Variants in DAB1 observed in about 807,000 individuals in gnomAD.
DAB1 encodes the protein DAB adaptor protein 1, also known as disabled homolog 1.
DAB1 carries 15 observed loss-of-function variants against 64.6 expected under a neutral mutation model. The ratio of observed to expected loss-of-function variants is 0.23; its 90% CI spans 0.16 to 0.36. The LOEUF is 0.36. DAB1 is among the 10% of genes least tolerant of loss of function. DAB1 has a pLI of 1.00. For synonymous variants in DAB1, 235 were observed against 251.9 expected, an observed-to-expected ratio of 0.93 and a Z score of 0.64; for missense variants, 596 against 706.7, an observed-to-expected ratio of 0.84 and a Z score of 1.78.
At chr1:58,011,371 T>C (rs990792839) in intron 5 of DAB1, among the ~76,000 whole-genome samples, 1 of 152,216 alleles carries the variant, frequency 6.6e-6, no homozygotes, top group African/African-American at 2.4e-5. Flanking sequence ...AAACTCTTCA[T>C]CTTAAATCAA....
At chr1:58,297,063 A>G (rs964491077) in intron 4 of DAB1, among the ~76,000 whole-genome samples, 36 of 152,316 alleles carry the variant, frequency 2.4e-4, no homozygotes, top group African/African-American at 8.4e-4. Context: ...ACATTTATGT[A>G]TGTCATCTCA....
chr1:57,204,440 T>G (rs1665372536), intron 2 of DAB1, among the ~76,000 whole-genome samples: 1 of 131,526 alleles, frequency 7.6e-6, no homozygotes, highest in South Asian at 2.4e-4. Context: ...ATAAAAACAC[T>G]GGTCTAGATT....
At chr1:57,792,329 G>A (rs1650640406) in intron 6 of DAB1, among the ~76,000 whole-genome samples, 1 of 151,916 alleles carries the variant, frequency 6.6e-6, no homozygotes, top group Admixed American at 6.6e-5. Flanking sequence ...TTATTTTTAT[G>A]CCCACCATAT....
chr1:57,266,194 T>C (rs1385494963), intron 2 of DAB1, among the ~76,000 whole-genome samples: 1 of 152,214 alleles, frequency 6.6e-6, no homozygotes, highest in Non-Finnish European at 1.5e-5. Context: ...AGTTTCCTGC[T>C]CACCAAGTAT....
rs1477319468 is a variant in DAB1, at chr1:57,452,157, G to GCCC, written n.626-160992_626-160991insGGG. ...AGAGCTTAGGATTTAGTCTCTCTCT[G>GCCC]CACCCCCCCTTTTTTTTTTTTTTTT... On this transcript the variant is annotated intron_variant and non_coding_transcript_variant, in intron 7 of 20. Coordinates refer to the DAB1 transcript ENST00000485760. Among the ~76,000 whole-genome samples, 240 of 110,206 alleles carry GCCC rather than the reference G, an allele frequency of 2.2e-3. 6 individuals carry two copies. Among genetic ancestry groups the GCCC allele is most frequent in the African/African-American group, 7.6e-3 (195 of 25,584 alleles). 72.3% of individuals were successfully genotyped at this position (110,206 alleles called of 152,430 possible).
At chr1:57,362,874 G>T (rs1679669774) in intron 1 of DAB1, among the ~76,000 whole-genome samples, 1 of 152,054 alleles carries the variant, frequency 6.6e-6, no homozygotes, top group African/African-American at 2.4e-5. Context: ...ATTCTTTACC[G>T]TTAGCACTTC....
upstream of DAB1, among the ~76,000 whole-genome samples, chr1:57,425,982 G>A (rs1345441372): frequency 6.6e-6 from 1 of 152,300 alleles, no homozygotes; most frequent in South Asian, 2.1e-4. Flanking sequence ...TGAGGAAAGA[G>A]GGACAAATCT....
At chr1:57,651,442 T>G (rs565637301) in intron 6 of DAB1, among the ~76,000 whole-genome samples, 4 of 152,316 alleles carry the variant, frequency 2.6e-5, no homozygotes, top group South Asian at 4.1e-4. Flanking sequence ...TTGTAGTGCT[T>G]TTTAGAAATT....
chr1:58,100,972 T>C (rs1360340233), intron 5 of DAB1, among the ~76,000 whole-genome samples: 3 of 152,172 alleles, frequency 2.0e-5, no homozygotes, highest in Non-Finnish European at 4.4e-5. Flanking sequence ...GAAGGGATAC[T>C]TTCCTGTTTG....
chr1:58,397,400 T>C (rs529948943), intron 3 of DAB1, among the ~76,000 whole-genome samples: 1 of 152,246 alleles, frequency 6.6e-6, no homozygotes, highest in South Asian at 2.1e-4. Flanking sequence ...AGAACAGGCT[T>C]TGGACGCAGG....
chr1:57,862,396 C>T (rs1012397190), intron 1 of DAB1: 1 of 152,140 alleles, frequency 6.6e-6, no homozygotes, highest in African/African-American at 2.4e-5. Flanking sequence ...CTTTTCTCAT[C>T]ATTGAACTGA....
At chr1:57,828,555 C>G (rs1557503875) in intron 1 of DAB1, among the ~76,000 whole-genome samples, 1 of 151,956 alleles carries the variant, frequency 6.6e-6, no homozygotes, top group Non-Finnish European at 1.5e-5. Context: ...ATATTGGAAT[C>G]AAGTCAAGGA....
At chr1:58,216,790 C>T (rs1272476010) in intron 4 of DAB1, among the ~76,000 whole-genome samples, 2 of 152,122 alleles carry the variant, frequency 1.3e-5, no homozygotes, top group Admixed American at 6.5e-5. Flanking sequence ...GATTGTAACT[C>T]TTACAGAACA....
chr1:57,869,479 T>C (rs1654443949), intron 1 of DAB1, among the ~76,000 whole-genome samples: 1 of 152,090 alleles, frequency 6.6e-6, no homozygotes, highest in Non-Finnish European at 1.5e-5. Context: ...AGTAGAGTCA[T>C]GGGCTCTTTC....
chr1:57,170,980 C>T (rs892220778), intron 2 of DAB1, among the ~76,000 whole-genome samples: 1 of 152,116 alleles, frequency 6.6e-6, no homozygotes, highest in Non-Finnish European at 1.5e-5. Context: ...GAGTGGAGAT[C>T]CCAGGTCCTT....
At chr1:57,379,793 G>T (rs961992236) in intron 1 of DAB1, among the ~76,000 whole-genome samples, 2 of 152,162 alleles carry the variant, frequency 1.3e-5, no homozygotes, top group Non-Finnish European at 2.9e-5. Flanking sequence ...TCAGCATTTT[G>T]CAAAGATGTA....
chr1:58,318,415 G>A (rs1197570269), intron 4 of DAB1, among the ~76,000 whole-genome samples: 1 of 152,238 alleles, frequency 6.6e-6, no homozygotes, highest in African/African-American at 2.4e-5. Flanking sequence ...CTGGTTTACA[G>A]AGCTGCCCAG....
intron 12 of DAB1, among the ~76,000 whole-genome samples, chr1:57,012,649 A>G (rs1646300036): frequency 6.6e-6 from 1 of 152,254 alleles, no homozygotes; most frequent in Non-Finnish European, 1.5e-5. Context: ...GTTTTTGGAA[A>G]AAAATTTGCA....
At chr1:58,250,527 T>C (rs1392778589) in intron 4 of DAB1, among the ~76,000 whole-genome samples, 2 of 152,188 alleles carry the variant, frequency 1.3e-5, no homozygotes, top group Non-Finnish European at 2.9e-5. Flanking sequence ...AGGCCACATC[T>C]TTCATACCTT....
Sources: allele counts gnomAD v4.1 joint callset (sites outside exome capture counted in the v4.1 genomes callset), GRCh38; gene constraint gnomAD v4.1.1; transcripts MANE v1.5; gene names NCBI Gene and HGNC (gene_info 2026-07-23, HGNC 2026-07-21).